The following KIF1B variants were observed in gnomAD, a reference collection of about 807,000 sequenced individuals.
KIF1B encodes the protein kinesin-like protein KIF1B.
Under a neutral mutation model 241.9 loss-of-function variants are expected in KIF1B, and 76 were observed. That is an observed-to-expected ratio of 0.31 (90% CI 0.26 to 0.38). The LOEUF (loss-of-function observed/expected upper bound fraction) is 0.38, where lower values mean the gene tolerates loss of function less well. Ranked by LOEUF, KIF1B falls within the 10% of genes least tolerant of loss-of-function variation. The pLI is 1.00. For synonymous variants in KIF1B, 750 were observed against 796.7 expected (o/e 0.94, Z 0.99); for missense variants, 1,622 against 2,271.4 (o/e 0.71, Z 5.81).
At chr1:10,260,822 G>A (rs1175971245) in intron 4 of KIF1B, among the ~76,000 whole-genome samples, 5 of 150,004 alleles carry the variant, frequency 3.3e-5, no homozygotes, top group South Asian at 4.2e-4. Flanking sequence ...AGCTGAGATC[G>A]CGCCATTGCA....
At chr1:10,308,563 G>T in intron 22 of KIF1B, 1 of 1,018,898 alleles carries the variant, frequency 9.8e-7, no homozygotes, top group Non-Finnish European at 1.2e-6. Context: ...AAAAAATAAA[G>T]ACCTCATTCA....
Position 10,282,404 on chromosome 1 carries a change from C to T in KIF1B, c.1305C>T (p.Ser435=), listed in dbSNP as rs1649454373. 5.0e-6 allele frequency: 8 copies of T among 1,614,174 alleles called. No individual in the cohort carries two copies. The highest frequency in any genetic ancestry group is 2.7e-5 in the African/African-American group (2 of 75,052). The part of the protein sequence containing the change: ...NQRPGHFSTA[S]MGSLTSSPSS... Reference sequence around the variant, plus strand: ...GCCCTGGCCATTTTTCCACAGCATCCATGGGGTCCCTCACTTCATCCCCAT... The same window carrying T: ...GCCCTGGCCATTTTTCCACAGCATCTATGGGGTCCCTCACTTCATCCCCAT... The change falls in exon 15 of 49, where the codon TCC becomes TCT. Residue 435 remains serine (S), a synonymous_variant. Coordinates refer to ENST00000676179, the MANE Select transcript of KIF1B (RefSeq NM_001365951.3).
intron 15 of KIF1B, among the ~76,000 whole-genome samples, chr1:10,284,055 T>G (rs1249662822): frequency 6.6e-6 from 1 of 152,222 alleles, no homozygotes; most frequent in South Asian, 2.1e-4. Flanking sequence ...GCCTACCTTT[T>G]CCCTTGACAT....
rs1046315970 is a variant in KIF1B at position 10,379,502 on chromosome 1, G to A, written c.*2915G>A. On this transcript the variant is annotated 3_prime_UTR_variant, in exon 49 of 49. Coordinates refer to ENST00000676179, the MANE Select transcript of KIF1B (RefSeq NM_001365951.3). ...TGCCCGACAGAACCATCCCCACTGT[G>A]AGGCTGTGAGAGATTTGTGGCAGGA... is the stretch of plus-strand genomic sequence containing the variant. 2 of 231,808 alleles carry A rather than the reference G, an allele frequency of 8.6e-6. No homozygotes were observed. Among genetic ancestry groups the A allele is most frequent in the Non-Finnish European group, 1.7e-5 (2 of 117,134 alleles). The allele number at this position is 231,808 out of a possible 1,614,324, so 14.4% of individuals were successfully genotyped here. A position where few individuals can be genotyped will look rare whatever the true frequency, so the allele number is the denominator to read the frequency against.
chr1:10,236,287 A>G (rs947637962), intron 2 of KIF1B, among the ~76,000 whole-genome samples: 96 of 148,852 alleles, frequency 6.4e-4, no homozygotes, highest in Non-Finnish European at 1.0e-4. Context: ...AACAACAACA[A>G]CAACAACAAC....
chr1:10,314,166 G>T (rs1162001739), intron 22 of KIF1B, among the ~76,000 whole-genome samples: 1 of 151,526 alleles, frequency 6.6e-6, no homozygotes, highest in Non-Finnish European at 1.5e-5. Flanking sequence ...GCAGGCATGA[G>T]CCACCGCGTC....
chr1:10,280,505 A>G (rs566302645), intron 14 of KIF1B, among the ~76,000 whole-genome samples: 1 of 152,190 alleles, frequency 6.6e-6, no homozygotes, highest in African/African-American at 2.4e-5. Context: ...AAGTGCTGGC[A>G]TTACAGGTGT....
intron 1 of KIF1B, among the ~76,000 whole-genome samples, chr1:10,228,127 G>C (rs113435285): frequency 4.1e-4 from 62 of 152,158 alleles, no homozygotes; most frequent in African/African-American, 1.5e-3. Flanking sequence ...GGAGGTTGCA[G>C]TGAGCCAAGA....
chr1:10,255,251 A>G (rs1398549474), intron 2 of KIF1B, among the ~76,000 whole-genome samples: 2 of 151,982 alleles, frequency 1.3e-5, no homozygotes, highest in African/African-American at 4.8e-5. Context: ...GCCCAGCTCC[A>G]TTTCTGATGT....
intron 44 of KIF1B, among the ~76,000 whole-genome samples, chr1:10,369,033 G>C (rs773355952): frequency 6.6e-6 from 1 of 152,096 alleles, no homozygotes; most frequent in Non-Finnish European, 1.5e-5. Context: ...GCCTGGAATT[G>C]CCTTTCTCCA....
intron 16 of KIF1B, 100 bp from the exon 17 acceptor site, chr1:10,291,947 C>A (rs1650020666): frequency 5.4e-6 from 5 of 927,498 alleles, no homozygotes; most frequent in Admixed American, 1.8e-5. Flanking sequence ...TAAACATGGC[C>A]AGTTGTTTTT....
chr1:10,329,489 C>A (rs1218444019), intron 27 of KIF1B, among the ~76,000 whole-genome samples: 1 of 152,148 alleles, frequency 6.6e-6, no homozygotes, highest in Non-Finnish European at 1.5e-5. Context: ...AATCCCAGCA[C>A]TTTGGGAGGC....
intron 2 of KIF1B, among the ~76,000 whole-genome samples, chr1:10,234,712 C>T (rs891474062): frequency 9.9e-5 from 15 of 151,258 alleles, no homozygotes; most frequent in African/African-American, 3.6e-4. Flanking sequence ...TCTGTAGAGA[C>T]GGGGACTCAC....
chr1:10,266,457 A>G (rs1648468918), intron 5 of KIF1B, among the ~76,000 whole-genome samples: 1 of 152,202 alleles, frequency 6.6e-6, no homozygotes, highest in Non-Finnish European at 1.5e-5. Context: ...TATGAAGTGT[A>G]TTGTCTGAGG....
Position 10,374,841 on chromosome 1 carries a change from T to C in KIF1B, c.5097-13T>C. 1.2e-6 allele frequency: 2 copies of C among 1,613,184 alleles called. No individual in the cohort carries two copies. The highest frequency in any genetic ancestry group is 1.7e-6 in the Non-Finnish European group (2 of 1,179,120). On this transcript the variant is annotated splice_polypyrimidine_tract_variant and intron_variant, in intron 46 of 48. Coordinates refer to ENST00000676179, the MANE Select transcript of KIF1B (RefSeq NM_001365951.3). This position sits in a 1 kb window ranked among gnomAD's most constrained non-coding sequence, Gnocchi z 4.3. ...TTGTGAGAAACTAACTTTTGTCATATTGTCGTTTTTAGCTCAGTGGTCTCT... is the reference window on the plus strand; with the variant it reads ...TTGTGAGAAACTAACTTTTGTCATACTGTCGTTTTTAGCTCAGTGGTCTCT...
At chr1:10,251,769 C>T (rs1156772054) in intron 2 of KIF1B, among the ~76,000 whole-genome samples, 1 of 151,512 alleles carries the variant, frequency 6.6e-6, no homozygotes, top group Non-Finnish European at 1.5e-5. Context: ...ATTTTTTGGC[C>T]CTGTCTTATG....
intron 15 of KIF1B, among the ~76,000 whole-genome samples, chr1:10,288,185 G>A (rs1276895431): frequency 6.6e-6 from 1 of 152,132 alleles, no homozygotes; most frequent in African/African-American, 2.4e-5. Context: ...TTAAAGAGGG[G>A]CTCACTGTGT....
At chr1:10,306,235 T>C (rs966248998) in intron 22 of KIF1B, 16 of 1,041,646 alleles carry the variant, frequency 1.5e-5, no homozygotes, top group African/African-American at 6.7e-5. Flanking sequence ...TCAACTGAGG[T>C]TTTATAGCAG....
Position 10,348,732 on chromosome 1 carries a change from A to T in KIF1B, c.3948A>T (p.Val1316=), listed in dbSNP as rs569653397. Residue 1316 remains valine (V), a splice_region_variant and synonymous_variant, in exon 37 of 49, where the codon GTA becomes GTT. Coordinates refer to ENST00000676179, the MANE Select transcript of KIF1B (RefSeq NM_001365951.3). ...LHWKDVRELV[V]GRIRNKPEVD... ...GGAAAGATGTTCGTGAACTGGTGGTAGGTGAGTACGTTTCATCAGCCAAGG... is the reference window on the plus strand; with the variant it reads ...GGAAAGATGTTCGTGAACTGGTGGTTGGTGAGTACGTTTCATCAGCCAAGG... 6.2e-7 allele frequency: 1 copy of T among 1,610,938 alleles called. No homozygotes were observed. The highest frequency in any genetic ancestry group is 1.1e-5 in the South Asian group (1 of 90,994).
Sources: allele counts gnomAD v4.1 joint callset (sites outside exome capture counted in the v4.1 genomes callset), GRCh38; gene constraint gnomAD v4.1.1; non-coding constraint Gnocchi (gnomAD v3.1); transcripts MANE v1.5; gene names NCBI Gene and HGNC (gene_info 2026-07-23, HGNC 2026-07-21).